BTBD9: variants seen among roughly 807,000 people sequenced by gnomAD.
BTBD9 encodes the protein BTB/POZ domain-containing protein 9.
A neutral mutation model predicts 64.3 loss-of-function variants in BTBD9; 49 were observed. The ratio of observed to expected loss-of-function variants is 0.76; its 90% confidence interval spans 0.61 to 0.97. The LOEUF (loss-of-function observed/expected upper bound fraction) is 0.97, where lower values mean the gene tolerates loss of function less well. Ranked by LOEUF, BTBD9 falls within the 50% of genes least tolerant of loss-of-function variation. The pLI is 0.00. For missense variants in BTBD9, 598 were observed against 762.1 expected (o/e 0.78, Z 2.53); for synonymous variants, 260 against 274.7 (o/e 0.95, Z 0.53).
rs77930536 is a variant in BTBD9 at position 38,392,308 on chromosome 6, G to A, written c.1155-47215C>T. Among the ~76,000 whole-genome samples the A allele has an allele frequency of 3.1e-4, 47 of 152,276 alleles. No individual in the cohort carries two copies. The East Asian group carries it at 8.9e-3, about 29-fold the overall frequency. On this transcript the variant is annotated intron_variant, in intron 6 of 10. Transcript: ENST00000481247. ...AAAAATCACAGGAAAAACAGACTGCGTTACCTTGGTTAGTTGGGAAATGAT... is the reference window on the plus strand; with the variant it reads ...AAAAATCACAGGAAAAACAGACTGCATTACCTTGGTTAGTTGGGAAATGAT...
intron 9 of BTBD9, among the ~76,000 whole-genome samples, chr6:38,242,561 G>T (rs762245753): frequency 6.6e-6 from 1 of 152,158 alleles, no homozygotes; most frequent in Non-Finnish European, 1.5e-5. Context: ...ATCTTGTTTT[G>T]TATTTTACAC....
chr6:38,322,279 A>G (rs1763267828), intron 7 of BTBD9, among the ~76,000 whole-genome samples: 1 of 151,880 alleles, frequency 6.6e-6, no homozygotes. Context: ...GTTATTTCCA[A>G]CTCTAAACCT....
chr6:38,437,493 A>G (rs2127304690), intron 6 of BTBD9, among the ~76,000 whole-genome samples: 1 of 150,608 alleles, frequency 6.6e-6, no homozygotes, highest in East Asian at 1.9e-4. Flanking sequence ...AAAAGAAGAC[A>G]TGTGAAAATA....
At chr6:38,365,303 G>T (rs1166276571) in intron 6 of BTBD9, among the ~76,000 whole-genome samples, 1 of 152,116 alleles carries the variant, frequency 6.6e-6, no homozygotes. Flanking sequence ...TCACAAGCTG[G>T]GAAGTGATGA....
chr6:38,633,056 G>A lies in BTBD9; in HGVS notation c.-28+6744C>T, dbSNP rs142013489. On this transcript the variant is annotated intron_variant, in intron 1 of 10. Coordinates refer to ENST00000481247, the MANE Select transcript of BTBD9 (RefSeq NM_001099272.2). ...ACGTCTTCATAGGAGAATCAGCACT[G>A]GGGCCATTAATTATCCAGCCCCCAT... 8.7e-3 allele frequency among the ~76,000 whole-genome samples: 1,331 copies of A among 152,292 alleles called. 9 individuals are homozygous for A. Among genetic ancestry groups the A allele is most frequent in the African/African-American group, 0.028 (1,171 of 41,570 alleles).
At chr6:38,336,412 G>A (rs1763893726) in intron 7 of BTBD9, among the ~76,000 whole-genome samples, 1 of 152,126 alleles carries the variant, frequency 6.6e-6, no homozygotes, top group South Asian at 2.1e-4. Context: ...GAAGGCCTCG[G>A]GAAACTTATA....
chr6:38,260,133 T>A (rs1406083827), intron 8 of BTBD9, among the ~76,000 whole-genome samples: 4 of 152,176 alleles, frequency 2.6e-5, no homozygotes, highest in Non-Finnish European at 5.9e-5. Context: ...TAGAAAGATG[T>A]TTGGTCTTTC....
chr6:38,171,578 GTGTGTGTGTGTGTGTGTGT>G lies in BTBD9; in HGVS notation c.*3388_*3406del, dbSNP rs1766764218. The G allele has an allele frequency of 8.2e-6, 1 of 122,412 alleles. No individual in the cohort carries two copies. Among genetic ancestry groups the G allele is most frequent in the African/African-American group, 3.0e-5 (1 of 33,546 alleles). The allele number at this position is 122,412 out of a possible 1,614,324, so 7.6% of individuals were successfully genotyped here. On this transcript the variant is annotated 3_prime_UTR_variant, in exon 11 of 11. Transcript: ENST00000481247. ...CGGGTGTGTGTGTGTGTGTGTGTGTGTGTGTGTGTGTGTGTGTGTGTGTGTGAGAGGGAGAGACGGTGGG... is the reference window on the plus strand; with the variant it reads ...CGGGTGTGTGTGTGTGTGTGTGTGTGGTGTGTGAGAGGGAGAGACGGTGGG...
In BTBD9 at chr6:38,288,257, G is replaced by A. The variant is rs561692084; in HGVS notation, c.1454+15C>T. ...TTCCATTTTAAAACTTATGAATGAGGAGGAATCTTCTTACCGTATTGACCC... is the reference window on the plus strand; with the variant it reads ...TTCCATTTTAAAACTTATGAATGAGAAGGAATCTTCTTACCGTATTGACCC... On this transcript the variant is annotated intron_variant, in intron 8 of 10. Coordinates refer to ENST00000481247, the MANE Select transcript of BTBD9 (RefSeq NM_001099272.2). The A allele has an allele frequency of 2.8e-5, 45 of 1,600,920 alleles. 2 individuals are homozygous for A. In the South Asian group the frequency reaches 5.0e-4, roughly 18 times the overall value.
intron 6 of BTBD9, among the ~76,000 whole-genome samples, chr6:38,469,267 G>A (rs1431254945): frequency 6.7e-6 from 1 of 149,402 alleles, no homozygotes; most frequent in East Asian, 2.0e-4. Context: ...GTCCTGAGGA[G>A]TACAAAAAGG....
chr6:38,307,022 C>A (rs924272554), intron 7 of BTBD9, among the ~76,000 whole-genome samples: 1 of 152,136 alleles, frequency 6.6e-6, no homozygotes, highest in Admixed American at 6.6e-5. Flanking sequence ...ACAAAGATTT[C>A]CTGTTTAAGA....
At chr6:38,565,935 T>C (rs1376335258) in intron 6 of BTBD9, 2 of 152,154 alleles carry the variant, frequency 1.3e-5, no homozygotes, top group African/African-American at 4.8e-5. Context: ...TGCTATTGTT[T>C]AAAAGGATAA....
rs1774349157 is a variant in BTBD9, at chr6:38,542,822, C to T, written c.1154+34778G>A. ...TAAAACTTAGGCCCAAAGAAAGTTG[C>T]TATTATCAATGCAATCTTATTTTGC... is the stretch of plus-strand genomic sequence containing the variant. On this transcript the variant is annotated intron_variant, in intron 6 of 10. Transcript: ENST00000481247. Among the ~76,000 whole-genome samples the T allele has an allele frequency of 2.0e-5, 3 of 152,142 alleles. No individual in the cohort carries two copies. In the South Asian group the frequency reaches 6.2e-4, roughly 32 times the overall value.
At chr6:38,455,700 A>C (rs145477079) in intron 6 of BTBD9, among the ~76,000 whole-genome samples, 40 of 152,184 alleles carry the variant, frequency 2.6e-4, no homozygotes, top group African/African-American at 8.9e-4. Context: ...GTTTTTGTCA[A>C]CTTTTTTGTT....
chr6:38,417,796 GAGAGAAA>G (rs751077148), intron 6 of BTBD9, among the ~76,000 whole-genome samples: 2 of 103,500 alleles, frequency 1.9e-5, no homozygotes, highest in Non-Finnish European at 3.9e-5. Context: ...GAGAGAGAGA[GAGAGAAA>G]AAAAATATTG....
intron 9 of BTBD9, among the ~76,000 whole-genome samples, chr6:38,207,935 T>G (rs1386884036): frequency 1.3e-5 from 2 of 152,130 alleles, no homozygotes; most frequent in African/African-American, 4.8e-5. Context: ...TTAAAAGTCT[T>G]GTGGTTTTAC....
At chr6:38,547,911 CTG>C (rs1774621540) in intron 6 of BTBD9, among the ~76,000 whole-genome samples, 1 of 152,162 alleles carries the variant, frequency 6.6e-6, no homozygotes, top group South Asian at 2.1e-4. Flanking sequence ...ATCTGGCACA[CTG>C]TAGACTTTCA....
chr6:38,486,020 G>A (rs954570016), intron 6 of BTBD9, among the ~76,000 whole-genome samples: 17 of 152,190 alleles, frequency 1.1e-4, no homozygotes, highest in Admixed American at 2.6e-4. Flanking sequence ...GCTTCTTCTT[G>A]CATTTTTATG....
In BTBD9 at chr6:38,394,732, CCA is replaced by C. The variant is rs145472662; in HGVS notation, c.1155-49641_1155-49640del. On this transcript the variant is annotated intron_variant, in intron 6 of 10. Transcript: ENST00000481247. ...GATCACTTTCTCTGGAGGATGGCAG[CCA>C]CCATGCTGTAGGGACACTCAAGCAG... Among the ~76,000 whole-genome samples the C allele has an allele frequency of 6.9e-3, 1,047 of 152,034 alleles. 11 individuals are homozygous for C. The highest frequency in any genetic ancestry group is 9.9e-3 in the Non-Finnish European group (672 of 67,974).
Sources: gnomAD v4.1 joint callset for allele counts (sites outside exome capture counted in the v4.1 genomes callset) on GRCh38, gnomAD v4.1.1 for gene constraint, MANE v1.5 for transcripts, NCBI Gene and HGNC (gene_info 2026-07-23, HGNC 2026-07-21) for gene names.